Variants in ETV1 observed in about 807,000 individuals in gnomAD.
The protein encoded by ETV1 is ETS translocation variant 1.
Under a neutral mutation model 62.3 loss-of-function variants are expected in ETV1, and 27 were observed. The observed-to-expected ratio is 0.43, with a 90% CI of 0.32 to 0.60. The LOEUF (loss-of-function observed/expected upper bound fraction) is 0.60, where lower values mean the gene tolerates loss of function less well. Ranked by LOEUF, ETV1 falls within the 20% of genes least tolerant of loss-of-function variation. The pLI is 0.06. For synonymous variants in ETV1, 222 were observed against 199.6 expected (o/e 1.11, Z -0.94); for missense variants, 605 against 605.8 (o/e 1.00, Z 0.01).
At chr7:13,932,042 A>ACC (rs961154132) in intron 8 of ETV1, among the ~76,000 whole-genome samples, 2 of 116,350 alleles carry the variant, frequency 1.7e-5, no homozygotes, top group African/African-American at 6.4e-5. Flanking sequence ...GATTTTACAC[A>ACC]CCCACACACA....
intron 6 of ETV1, among the ~76,000 whole-genome samples, chr7:13,956,387 T>C (rs1789466878): frequency 6.6e-6 from 1 of 152,094 alleles, no homozygotes; most frequent in African/African-American, 2.4e-5. Context: ...CTTAAGGCTA[T>C]ATTACAGGAG....
At chr7:13,970,082 C>A (rs1392911255) in intron 6 of ETV1, among the ~76,000 whole-genome samples, 1 of 151,352 alleles carries the variant, frequency 6.6e-6, no homozygotes, top group Non-Finnish European at 1.5e-5. Context: ...CAGTGAAACC[C>A]CGTCTCTACT....
chr7:13,904,007 T>C (rs1782704590), intron 12 of ETV1, among the ~76,000 whole-genome samples: 1 of 152,250 alleles, frequency 6.6e-6, no homozygotes, highest in African/African-American at 2.4e-5. Flanking sequence ...TCCAATAAGA[T>C]GGCTTCAGAG....
rs1048802305 is a variant in ETV1, at chr7:13,988,527, C to G, written c.46-354G>C. ...CTAGATTAAAACAGTGGGTTTTATT[C>G]TCTCTTGGACAGCCCCTCCTCCCCA... On this transcript the variant is annotated intron_variant, in intron 3 of 13. Coordinates refer to ENST00000430479, the MANE Select transcript of ETV1 (RefSeq NM_004956.5). The G allele has an allele frequency of 5.5e-5, 44 of 794,236 alleles. No individual in the cohort carries two copies. The African/African-American group carries it at 7.9e-4, about 14-fold the overall frequency. 49.2% of individuals were successfully genotyped at this position (794,236 alleles called of 1,614,324 possible). A position where few individuals can be genotyped will look rare whatever the true frequency, so the allele number is the denominator to read the frequency against.
At chr7:13,918,558 T>G (rs985278489) in intron 9 of ETV1, among the ~76,000 whole-genome samples, 7 of 152,006 alleles carry the variant, frequency 4.6e-5, no homozygotes, top group African/African-American at 1.4e-4. Context: ...CCATAAAAAA[T>G]GATGAGTTCA....
chr7:13,959,259 T>C (rs769961778), intron 6 of ETV1, among the ~76,000 whole-genome samples: 2 of 152,154 alleles, frequency 1.3e-5, no homozygotes, highest in Non-Finnish European at 2.9e-5. Context: ...TTAATTGACA[T>C]ACCACGGTTA....
In ETV1 at chr7:13,957,064, CTATTTATT is replaced by C. The variant is rs1221663290; in HGVS notation, c.236-17826_236-17819del. Among the ~76,000 whole-genome samples, 3 of 151,704 alleles carry C rather than the reference CTATTTATT, an allele frequency of 2.0e-5. 1 individual carries two copies. Among genetic ancestry groups the C allele is most frequent in the Admixed American group, 2.0e-4 (3 of 15,210 alleles). On this transcript the variant is annotated intron_variant, in intron 6 of 13. Transcript: ENST00000430479. ...TTACTGCTACGTAAACCTAAGTCAC[CTATTTATT>C]TATTTATTTATTTTTTATTTTTATT...
intron 9 of ETV1, among the ~76,000 whole-genome samples, chr7:13,929,656 T>C (rs866656338): frequency 6.6e-6 from 1 of 152,262 alleles, no homozygotes; most frequent in African/African-American, 2.4e-5. Flanking sequence ...GCACTATATA[T>C]AGGAGCAATG....
At chr7:13,970,327 A>ACACAC (rs1562698780) in intron 6 of ETV1, among the ~76,000 whole-genome samples, 2 of 130,544 alleles carry the variant, frequency 1.5e-5, no homozygotes, top group Admixed American at 7.3e-5. Flanking sequence ...CACACACACA[A>ACACAC]AGCAGCAACT....
intron 6 of ETV1, among the ~76,000 whole-genome samples, chr7:13,950,827 T>C (rs1477633214): frequency 6.6e-6 from 1 of 151,296 alleles, no homozygotes; most frequent in Non-Finnish European, 1.5e-5. Context: ...AAATAACCAA[T>C]TAACTGTGAT....
In ETV1 at chr7:13,989,015, A is replaced by T; in HGVS notation, c.38T>A (p.Val13Asp). 1 of 1,605,496 alleles carries T rather than the reference A, an allele frequency of 6.2e-7. No homozygotes were observed. Among genetic ancestry groups the T allele is most frequent in the Non-Finnish European group, 8.5e-7 (1 of 1,175,558 alleles). ...TTCAAACTGATCACTCACATTGGTGACCATGTAAGGCACTTGCTGGTCATA... is the reference window on the plus strand; with the variant it reads ...TTCAAACTGATCACTCACATTGGTGTCCATGTAAGGCACTTGCTGGTCATA... ...GFYDQQVPYMVTNSQRGRNCN... is the reference protein window; with the variant it reads ...GFYDQQVPYMDTNSQRGRNCN... Residue 13 changes from valine (V) to aspartate (D), a missense_variant, in exon 3 of 14, where the codon GTC (valine) becomes GAC (aspartate). Around this residue, in one of 3 missense-constraint regions of ETV1, gnomAD observed 426 missense variants for 377.8 expected, o/e 1.13. Transcript: ENST00000430479.
At chr7:13,940,514 A>T (rs1787376911) in intron 6 of ETV1, among the ~76,000 whole-genome samples, 1 of 152,204 alleles carries the variant, frequency 6.6e-6, no homozygotes, top group South Asian at 2.1e-4. Flanking sequence ...GGAAAAAATA[A>T]TCATAAGAAT....
intron 9 of ETV1, among the ~76,000 whole-genome samples, chr7:13,926,141 G>A (rs760258482): frequency 1.2e-4 from 18 of 151,874 alleles, no homozygotes; most frequent in African/African-American, 3.4e-4. Context: ...TTACTTTACC[G>A]TTCACCTATT....
chr7:13,960,048 G>A (rs1424312269), intron 6 of ETV1, among the ~76,000 whole-genome samples: 1 of 151,740 alleles, frequency 6.6e-6, no homozygotes, highest in African/African-American at 2.4e-5. Context: ...TCACAGATCT[G>A]TAATGTATTT....
At chr7:13,930,000 A>C (rs1279885580) in intron 9 of ETV1, among the ~76,000 whole-genome samples, 2 of 152,186 alleles carry the variant, frequency 1.3e-5, no homozygotes, top group Non-Finnish European at 2.9e-5. Flanking sequence ...AGAAAAACTC[A>C]GCAGAGGACG....
At chr7:13,991,324 A>G (rs1161678649), upstream of ETV1, 1 of 152,302 alleles carries the variant, frequency 6.6e-6, no homozygotes, top group African/African-American at 2.4e-5. Flanking sequence ...CAGTTTCCAA[A>G]GACCTTCTCT....
chr7:13,968,484 T>A (rs904704632), intron 6 of ETV1, among the ~76,000 whole-genome samples: 3 of 151,288 alleles, frequency 2.0e-5, no homozygotes, highest in Admixed American at 2.0e-4. Context: ...TCAAGACTAA[T>A]GTAATTTTCT....
At chr7:13,932,444 A>G (rs1294746623) in intron 8 of ETV1, among the ~76,000 whole-genome samples, 1 of 152,210 alleles carries the variant, frequency 6.6e-6, no homozygotes, top group Non-Finnish European at 1.5e-5. Context: ...CAAATACAGT[A>G]TCAGGTTGAT....
chr7:13,988,025 T>G, intron 4 of ETV1, 61 bp downstream of exon 4: 1 of 917,252 alleles, frequency 1.1e-6, no homozygotes, highest in South Asian at 1.3e-5. Flanking sequence ...GCTCCTTTTC[T>G]TTTAGCAGGG....
Sources: gnomAD v4.1 joint callset for allele counts (sites outside exome capture counted in the v4.1 genomes callset) on GRCh38, gnomAD v4.1.1 for gene constraint, gnomAD v4.1.1 regional missense constraint, MANE v1.5 for transcripts, NCBI Gene and HGNC (gene_info 2026-07-23, HGNC 2026-07-21) for gene names.